ASTN1: variants seen among roughly 807,000 people sequenced by gnomAD.
ASTN1 encodes astrotactin 1.
A neutral mutation model predicts 140.7 loss-of-function variants in ASTN1; 41 were observed. The ratio of observed to expected loss-of-function variants is 0.29; its 90% confidence interval spans 0.23 to 0.38. The LOEUF (loss-of-function observed/expected upper bound fraction) is 0.38. Among genes scored for constraint, ASTN1 ranks in the 10% least tolerant of loss-of-function variants. The pLI is 1.00. For missense variants in ASTN1, 1,479 were observed against 1,678.8 expected, an observed-to-expected ratio of 0.88 and a Z score of 2.08; for synonymous variants, 640 against 652.2, an observed-to-expected ratio of 0.98 and a Z score of 0.29.
At chr1:176,919,077 C>A (rs1046868201) in intron 16 of ASTN1, among the ~76,000 whole-genome samples, 2 of 152,166 alleles carry the variant, frequency 1.3e-5, no homozygotes, top group Admixed American at 6.5e-5. Context: ...TATTCATTAC[C>A]CTCATAGCCC....
Position 177,136,236 on chromosome 1 carries a change from C to T in ASTN1, c.283+28158G>A, listed in dbSNP as rs186798107. Among the ~76,000 whole-genome samples the T allele has an allele frequency of 3.9e-5, 6 of 152,294 alleles. No homozygotes were observed. The East Asian group carries it at 1.2e-3, about 29-fold the overall frequency. On this transcript the variant is annotated intron_variant, in intron 1 of 22. Coordinates refer to ENST00000361833, the MANE Select transcript of ASTN1 (RefSeq NM_004319.3). ...TTGTGAACATATCCCAGCTGGATTG[C>T]CTTAGGGTCTTCAGTCTTACTGCAT...
At chr1:177,011,314 C>T (rs772319247) in intron 8 of ASTN1, among the ~76,000 whole-genome samples, 23 of 152,258 alleles carry the variant, frequency 1.5e-4, no homozygotes, top group Admixed American at 9.2e-4. Context: ...CACAGACTTT[C>T]GCTCACATCT....
chr1:177,107,491 T>C (rs1172608554), intron 1 of ASTN1, among the ~76,000 whole-genome samples: 3 of 152,202 alleles, frequency 2.0e-5, no homozygotes, highest in East Asian at 3.9e-4. Flanking sequence ...CTCCTTGCTC[T>C]GTGCTGAGGG....
At chr1:176,882,752 A>G (rs982949970) in intron 20 of ASTN1, 107 bp downstream of exon 20, 2 of 1,450,218 alleles carry the variant, frequency 1.4e-6, no homozygotes, top group South Asian at 1.3e-5. Context: ...CAGAGACTCA[A>G]CATGTTTTGC....
At chr1:177,050,909 C>T (rs1188690121) in intron 2 of ASTN1, among the ~76,000 whole-genome samples, 1 of 152,102 alleles carries the variant, frequency 6.6e-6, no homozygotes, top group Non-Finnish European at 1.5e-5. Context: ...TCACACATTT[C>T]TACTGTGTAC....
At chr1:176,929,768 G>A (rs1671123881) in intron 16 of ASTN1, among the ~76,000 whole-genome samples, 2 of 152,216 alleles carry the variant, frequency 1.3e-5, no homozygotes, top group African/African-American at 4.8e-5. Flanking sequence ...CAGCACTTTG[G>A]GAGGCCGAGG....
In ASTN1 at chr1:176,958,437, C is replaced by T; in HGVS notation, c.1644G>A (p.Lys548=). 9 of 1,614,040 alleles carry T rather than the reference C, an allele frequency of 5.6e-6. No homozygotes were observed. Among genetic ancestry groups the T allele is most frequent in the Non-Finnish European group, 7.6e-6 (9 of 1,179,988 alleles). ...LGEGMWLPLS[K]SFVIPPAELA... The stretch of plus-strand genomic sequence containing the variant: ...GTTCGGCTGGTGGAATCACAAAGCT[C>T]TTGCTGAGGGGCAACCACATGCCCT... The change falls in exon 10 of 23, where the codon AAG becomes AAA. Residue 548 remains lysine, a synonymous_variant. Coordinates refer to ENST00000361833, the MANE Select transcript of ASTN1 (RefSeq NM_004319.3).
intron 14 of ASTN1, among the ~76,000 whole-genome samples, chr1:176,939,630 T>A (rs185622403): frequency 2.1e-3 from 327 of 152,296 alleles, no homozygotes; most frequent in African/African-American, 7.4e-3. Flanking sequence ...TTCAATTTTT[T>A]AAAAAATTTT....
chr1:176,865,679 G>A (rs1035597831), intron 22 of ASTN1, among the ~76,000 whole-genome samples: 1 of 152,212 alleles, frequency 6.6e-6, no homozygotes. Flanking sequence ...CTCATGGGCA[G>A]AACCACTCTT....
intron 11 of ASTN1, among the ~76,000 whole-genome samples, chr1:176,955,117 T>A (rs1557988034): frequency 6.6e-6 from 1 of 152,142 alleles, no homozygotes. Flanking sequence ...TTCTTATCTC[T>A]CTCCTTTCAT....
chr1:176,860,858 A>G (rs2103004360), downstream of ASTN1, among the ~76,000 whole-genome samples: 1 of 152,388 alleles, frequency 6.6e-6, no homozygotes, highest in East Asian at 1.9e-4. Flanking sequence ...AAGGTTGTAG[A>G]GAGAAGATGG....
rs191245825 is a variant in ASTN1 at position 176,944,414 on chromosome 1, C to A, written c.2250-396G>T. ...AACTGAAACTACAGGCATGTGCCAC[C>A]ACACCTGGCTAATTTTTTGTATTTT... is the stretch of plus-strand genomic sequence containing the variant. On this transcript the variant is annotated intron_variant, in intron 13 of 22. Transcript: ENST00000361833. Among the ~76,000 whole-genome samples, 4 of 152,278 alleles carry A rather than the reference C, an allele frequency of 2.6e-5. No individual in the cohort carries two copies. The East Asian group carries it at 5.8e-4, about 22-fold the overall frequency.
At chr1:177,073,600 T>A (rs1307446931) in intron 1 of ASTN1, among the ~76,000 whole-genome samples, 3 of 147,630 alleles carry the variant, frequency 2.0e-5, no homozygotes, top group Non-Finnish European at 4.5e-5. Flanking sequence ...GGCTTTTTAT[T>A]CTACCTTCAT....
intron 22 of ASTN1, among the ~76,000 whole-genome samples, chr1:176,866,836 G>A (rs1668140874): frequency 6.6e-6 from 1 of 152,150 alleles, no homozygotes. Context: ...TTTGCTCAGA[G>A]GAAGTAAGTA....
intron 17 of ASTN1, 137 bp downstream of exon 17, chr1:176,894,425 A>C: frequency 1.7e-6 from 2 of 1,174,964 alleles, no homozygotes; most frequent in South Asian, 1.6e-5. Context: ...TTAGGTGCCC[A>C]GATTAGCTAA....
chr1:177,017,071 A>G (rs552543567), intron 7 of ASTN1, among the ~76,000 whole-genome samples: 71 of 152,356 alleles, frequency 4.7e-4, no homozygotes, highest in African/African-American at 1.7e-3. Flanking sequence ...TATAAAAATA[A>G]ATGCAGTAAC....
intron 16 of ASTN1, among the ~76,000 whole-genome samples, chr1:176,922,276 C>T (rs1008423724): frequency 4.6e-5 from 7 of 152,164 alleles, no homozygotes; most frequent in Non-Finnish European, 8.8e-5. Context: ...GAGTTATCTG[C>T]ACCTGCATTT....
At chr1:176,972,971 C>T (rs936287755) in intron 8 of ASTN1, among the ~76,000 whole-genome samples, 13 of 152,060 alleles carry the variant, frequency 8.5e-5, no homozygotes, top group African/African-American at 3.1e-4. Context: ...CTGCTCTGCC[C>T]CCATCTTCCC....
chr1:176,978,204 G>A lies in ASTN1; in HGVS notation c.1524-12967C>T, dbSNP rs144549394. ...AAGGTACCAGTTCATCTGAAATGTG[G>A]GATACACAGGGATGGAAAAAATAAA... On this transcript the variant is annotated intron_variant, in intron 8 of 22. Coordinates refer to ENST00000361833, the MANE Select transcript of ASTN1 (RefSeq NM_004319.3). Among the ~76,000 whole-genome samples, 492 of 152,220 alleles carry A rather than the reference G, an allele frequency of 3.2e-3. 6 individuals are homozygous for A. The highest frequency in any genetic ancestry group is 0.011 in the African/African-American group (455 of 41,518).
Sources: gnomAD v4.1 joint callset for allele counts (sites outside exome capture counted in the v4.1 genomes callset) on GRCh38, gnomAD v4.1.1 for gene constraint, MANE v1.5 for transcripts, NCBI Gene and HGNC (gene_info 2026-07-23, HGNC 2026-07-21) for gene names.